The following RAPGEF5 variants were observed in gnomAD, a reference collection of about 807,000 sequenced individuals.
RAPGEF5 encodes M-Ras-regulated GEF.
Under a neutral mutation model 125.2 loss-of-function variants are expected in RAPGEF5, and 65 were observed. The ratio of observed to expected loss-of-function variants is 0.52; its 90% CI spans 0.43 to 0.64. The LOEUF is 0.64. Among genes scored for constraint, RAPGEF5 ranks in the 30% least tolerant of loss-of-function variants. The pLI, the probability that RAPGEF5 is intolerant of heterozygous loss-of-function variation, is 0.00. For missense variants in RAPGEF5, 958 were observed against 1,048.1 expected, an observed-to-expected ratio of 0.91 and a Z score of 1.19; for synonymous variants, 391 against 385.9, an observed-to-expected ratio of 1.01 and a Z score of -0.16.
intron 11 of RAPGEF5, among the ~76,000 whole-genome samples, chr7:22,171,561 C>T (rs971206581): frequency 1.3e-5 from 2 of 152,084 alleles, no homozygotes; most frequent in Non-Finnish European, 2.9e-5. Flanking sequence ...TGCAGTGGCA[C>T]GATCTCAGCT....
chr7:22,131,140 A>G, intron 23 of RAPGEF5, 39 bp from the exon 24 acceptor site: 1 of 1,506,778 alleles, frequency 6.6e-7, no homozygotes, highest in Non-Finnish European at 8.9e-7. Context: ...TATCATTAGG[A>G]ATGGATCATG....
chr7:22,220,060 G>C (rs771454841), intron 8 of RAPGEF5, 69 bp from the exon 9 acceptor site: 2 of 1,544,680 alleles, frequency 1.3e-6, no homozygotes, highest in Non-Finnish European at 1.8e-6. Flanking sequence ...CCACCGCAAA[G>C]TTCACCTTAT....
At chr7:22,291,785 C>A (rs1336845608) in intron 5 of RAPGEF5, among the ~76,000 whole-genome samples, 3 of 152,128 alleles carry the variant, frequency 2.0e-5, no homozygotes, top group East Asian at 3.8e-4. Flanking sequence ...GAGATTACCG[C>A]CCAACTAAGA....
At chr7:22,231,073 T>C (rs1251525512) in intron 7 of RAPGEF5, among the ~76,000 whole-genome samples, 154 bp from the exon 8 acceptor site, 2 of 152,242 alleles carry the variant, frequency 1.3e-5, no homozygotes, top group Non-Finnish European at 2.9e-5. Context: ...AATGTGAAGT[T>C]AGCTAATAGC....
chr7:22,125,467 T>C, intron 25 of RAPGEF5, 137 bp downstream of exon 25: 4 of 771,306 alleles, frequency 5.2e-6, no homozygotes, highest in Non-Finnish European at 8.7e-6. Flanking sequence ...CAATCTACTA[T>C]ATATATACAA....
chr7:22,278,901 T>C (rs1263185911), intron 6 of RAPGEF5, among the ~76,000 whole-genome samples: 2 of 152,064 alleles, frequency 1.3e-5, no homozygotes, highest in Non-Finnish European at 2.9e-5. Flanking sequence ...ATCTGACCTG[T>C]AGTAACCTGC....
rs3823663 is a variant in RAPGEF5 at position 22,147,681 on chromosome 7, T to C, written c.1885-662A>G. Among the ~76,000 whole-genome samples, 328 of 152,344 alleles carry C rather than the reference T, an allele frequency of 2.2e-3. 7 individuals carry two copies. The East Asian group carries it at 0.049, about 23-fold the overall frequency. On this transcript the variant is annotated intron_variant, in intron 18 of 25. Coordinates refer to ENST00000665637, the MANE Select transcript of RAPGEF5 (RefSeq NM_012294.5). ...TCCTTAAGATATGGCATAAAAGTATTAGATGCCATCACAACTTTCAATCTA... is the reference window on the plus strand; with the variant it reads ...TCCTTAAGATATGGCATAAAAGTATCAGATGCCATCACAACTTTCAATCTA...
chr7:22,333,114 T>A (rs1455363328), intron 1 of RAPGEF5, among the ~76,000 whole-genome samples: 4 of 152,230 alleles, frequency 2.6e-5, no homozygotes, highest in Non-Finnish European at 4.4e-5. Flanking sequence ...ATGCTAACAT[T>A]TCACTATAGT....
chr7:22,324,792 C>T (rs1783781037), intron 1 of RAPGEF5, among the ~76,000 whole-genome samples: 1 of 152,178 alleles, frequency 6.6e-6, no homozygotes, highest in African/African-American at 2.4e-5. Context: ...GGCATCTTCG[C>T]ACGAATTAAT....
At chr7:22,347,259 T>C (rs1412658079) in intron 1 of RAPGEF5, among the ~76,000 whole-genome samples, 1 of 152,178 alleles carries the variant, frequency 6.6e-6, no homozygotes, top group African/African-American at 2.4e-5. Context: ...CTAAGCAATA[T>C]CAGTGTTCAT....
At chr7:22,241,295 T>C (rs1290727091) in intron 7 of RAPGEF5, among the ~76,000 whole-genome samples, 2 of 152,112 alleles carry the variant, frequency 1.3e-5, no homozygotes, top group Non-Finnish European at 2.9e-5. Flanking sequence ...CAGTAGACAT[T>C]ACAGTGGAAT....
intron 9 of RAPGEF5, among the ~76,000 whole-genome samples, chr7:22,213,707 G>A (rs999308449): frequency 6.6e-6 from 1 of 151,980 alleles, no homozygotes; most frequent in African/African-American, 2.4e-5. Flanking sequence ...TTTATAATTG[G>A]GCAACTTAAT....
chr7:22,326,880 CA>C (rs974441291), intron 1 of RAPGEF5, among the ~76,000 whole-genome samples: 1 of 151,662 alleles, frequency 6.6e-6, no homozygotes. Flanking sequence ...GCTCTTACCA[CA>C]AAAAAAATAT....
At chr7:22,194,069 GAA>G in intron 9 of RAPGEF5, 36 bp from the exon 10 acceptor site, 1 of 1,535,496 alleles carries the variant, frequency 6.5e-7, no homozygotes, top group Non-Finnish European at 8.9e-7. Flanking sequence ...ATGAGAGAAG[GAA>G]AAAGAGAGAG....
chr7:22,296,698 T>C (rs1305193145), intron 5 of RAPGEF5, among the ~76,000 whole-genome samples: 2 of 152,212 alleles, frequency 1.3e-5, no homozygotes, highest in Non-Finnish European at 1.5e-5. Flanking sequence ...AGGAATGGAC[T>C]ATTCCTGGGT....
chr7:22,230,835 A>C lies in RAPGEF5; in HGVS notation c.870+11T>G, dbSNP rs1342609181. 6.4e-7 allele frequency: 1 copy of C among 1,562,218 alleles called. No homozygotes were observed. Among genetic ancestry groups the C allele is most frequent in the Non-Finnish European group, 8.7e-7 (1 of 1,150,624 alleles). The stretch of plus-strand genomic sequence containing the variant: ...GGGTATGATGAGGGGCTGTCACAGA[A>C]TTGATCATACCTGAGAATCTGGAAC... On this transcript the variant is annotated intron_variant, in intron 8 of 25. Coordinates refer to ENST00000665637, the MANE Select transcript of RAPGEF5 (RefSeq NM_012294.5).
rs189121090 is a variant in RAPGEF5, at chr7:22,233,904, G to A, written c.797-2985C>T. Among the ~76,000 whole-genome samples the A allele has an allele frequency of 2.6e-5, 4 of 152,296 alleles. No individual in the cohort carries two copies. In the East Asian group the frequency reaches 7.7e-4, roughly 29 times the overall value. ...CTAGCATTACGCCAAAACTAACAGG[G>A]TGAGAATTAGAAACACAAGCAAGTT... On this transcript the variant is annotated intron_variant, in intron 7 of 25. Coordinates refer to ENST00000665637, the MANE Select transcript of RAPGEF5 (RefSeq NM_012294.5).
At chr7:22,135,657 T>G (rs565103767) in intron 23 of RAPGEF5, among the ~76,000 whole-genome samples, 1 of 152,334 alleles carries the variant, frequency 6.6e-6, no homozygotes, top group Admixed American at 6.5e-5. Flanking sequence ...TAAGTTTAGG[T>G]TGCAAAAATA....
At chr7:22,132,378 C>CT (rs33968264) in intron 23 of RAPGEF5, among the ~76,000 whole-genome samples, 2,750 of 148,112 alleles carry the variant, frequency 0.019, 76 homozygotes, top group African/African-American at 0.06. Flanking sequence ...CCTTTCCTCT[C>CT]TTTTTTTTTT....
Sources: allele counts gnomAD v4.1 joint callset (sites outside exome capture counted in the v4.1 genomes callset), GRCh38; gene constraint gnomAD v4.1.1; transcripts MANE v1.5; gene names NCBI Gene and HGNC (gene_info 2026-07-23, HGNC 2026-07-21).